The following BEAN1 variants were observed in gnomAD, a reference collection of about 807,000 sequenced individuals.
BEAN1 encodes brain expressed associated with NEDD4 1.
In BEAN1, 17 loss-of-function variants were observed where a neutral mutation model predicts 17.7. That is an observed-to-expected ratio of 0.96 (90% CI 0.66 to 1.44). BEAN1 has a LOEUF of 1.44. Ranked by LOEUF, BEAN1 falls within the 40% of genes most tolerant of loss-of-function variation. The probability of loss-of-function intolerance (pLI) is 0.00; values close to 1 mark genes in which losing one functional copy is unlikely to be tolerated. For missense variants in BEAN1, 359 were observed against 374.1 expected, an observed-to-expected ratio of 0.96 and a Z score of 0.33; for synonymous variants, 142 against 151.8, an observed-to-expected ratio of 0.94 and a Z score of 0.47.
At chr16:66,429,737 G>T (rs1294573606) in intron 1 of BEAN1, among the ~76,000 whole-genome samples, 3 of 152,164 alleles carry the variant, frequency 2.0e-5, no homozygotes, top group Non-Finnish European at 4.4e-5. Flanking sequence ...CCCACTAGGG[G>T]TCACGTCGCT....
At chr16:66,465,769 T>C (rs1193175322) in intron 2 of BEAN1, among the ~76,000 whole-genome samples, 4 of 152,252 alleles carry the variant, frequency 2.6e-5, no homozygotes, top group Non-Finnish European at 5.9e-5. Context: ...TCAATCTCTT[T>C]GCTTGTGATA....
chr16:66,479,869 C>A (rs1248348905), intron 4 of BEAN1, among the ~76,000 whole-genome samples: 1 of 152,142 alleles, frequency 6.6e-6, no homozygotes, highest in African/African-American at 2.4e-5. Context: ...CCAAACTGCC[C>A]TCAGGGCCCT....
chr16:66,484,198 C>A (rs1362789721), downstream of BEAN1: 1 of 239,510 alleles, frequency 4.2e-6, no homozygotes, highest in Admixed American at 5.1e-5. The surrounding 1 kb of genome is among the most constrained non-coding windows in gnomAD (Gnocchi z 4.2). Flanking sequence ...TGCATGCCCT[C>A]TGTTCTGAAC....
At chr16:66,436,125 G>A (rs764222282) in intron 1 of BEAN1, among the ~76,000 whole-genome samples, 9 of 152,126 alleles carry the variant, frequency 5.9e-5, no homozygotes, top group Non-Finnish European at 1.2e-4. Context: ...GTGCAGTTTC[G>A]CTTCTGCAAG....
intron 2 of BEAN1, 100 bp from the exon 3 acceptor site, chr16:66,469,502 T>G: frequency 6.7e-6 from 9 of 1,345,560 alleles, no homozygotes; most frequent in Non-Finnish European, 9.0e-6. Context: ...CCCTCCTCCA[T>G]TTATTTAGGG....
At chr16:66,462,068 C>T (rs1963108144) in intron 2 of BEAN1, among the ~76,000 whole-genome samples, 1 of 152,176 alleles carries the variant, frequency 6.6e-6, no homozygotes, top group South Asian at 2.1e-4. Flanking sequence ...GAAAGAGAAC[C>T]ATGGTCAATT....
At chr16:66,442,990 G>A (rs1479618354) in intron 2 of BEAN1, among the ~76,000 whole-genome samples, 2 of 152,208 alleles carry the variant, frequency 1.3e-5, no homozygotes, top group African/African-American at 4.8e-5. Context: ...GAAAGGACTT[G>A]AGGGCAAGGA....
chr16:66,465,748 G>A (rs1008502552), intron 2 of BEAN1, among the ~76,000 whole-genome samples: 8 of 152,194 alleles, frequency 5.3e-5, no homozygotes, highest in Admixed American at 2.6e-4. Flanking sequence ...GAACTTTCTC[G>A]TGTTAATAAT....
At chr16:66,445,175 CA>C (rs939007895) in intron 2 of BEAN1, among the ~76,000 whole-genome samples, 1 of 151,668 alleles carries the variant, frequency 6.6e-6, no homozygotes, top group African/African-American at 2.4e-5. Context: ...GCTACAAAGA[CA>C]AAAAAAGCAC....
chr16:66,445,813 A>T (rs1206609515), intron 2 of BEAN1, among the ~76,000 whole-genome samples: 1 of 152,172 alleles, frequency 6.6e-6, no homozygotes, highest in Non-Finnish European at 1.5e-5. Context: ...TGAGCTGAGA[A>T]GGGACCTGAT....
At chr16:66,437,952 A>G in intron 2 of BEAN1, 1 of 598,946 alleles carries the variant, frequency 1.7e-6, no homozygotes, top group Non-Finnish European at 3.0e-6. Context: ...TGTGGATCGG[A>G]GTTCCTCTGA....
downstream of BEAN1, among the ~76,000 whole-genome samples, chr16:66,493,756 A>G (rs760529459): frequency 1.8e-4 from 27 of 152,330 alleles, no homozygotes; most frequent in Non-Finnish European, 3.4e-4. Context: ...GGAAGCCAGA[A>G]GCATAGCTGG....
intron 2 of BEAN1, among the ~76,000 whole-genome samples, chr16:66,449,606 C>CAAAAAAAA (rs35721774): frequency 6.0e-5 from 5 of 83,326 alleles, no homozygotes; most frequent in African/African-American, 1.5e-4. Context: ...GACTCCATCT[C>CAAAAAAAA]AAAAAAAAAA....
chr16:66,436,904 G>A (rs956167566), intron 1 of BEAN1, among the ~76,000 whole-genome samples: 2 of 151,976 alleles, frequency 1.3e-5, no homozygotes, highest in Admixed American at 6.6e-5. Flanking sequence ...TTTCTGAATC[G>A]GTAATTTAAT....
chr16:66,457,194 G>A (rs1236588078), intron 2 of BEAN1, among the ~76,000 whole-genome samples: 1 of 152,168 alleles, frequency 6.6e-6, no homozygotes, highest in African/African-American at 2.4e-5. Flanking sequence ...GGTGAGTATT[G>A]GTGAGGGGAT....
intron 2 of BEAN1, among the ~76,000 whole-genome samples, chr16:66,446,624 C>T (rs571758994): frequency 6.6e-6 from 1 of 152,162 alleles, no homozygotes; most frequent in African/African-American, 2.4e-5. Context: ...GGGATGAGAT[C>T]ACCCAGGGAG....
At chr16:66,437,089 C>T (rs1487077314) in intron 1 of BEAN1, among the ~76,000 whole-genome samples, 1 of 151,676 alleles carries the variant, frequency 6.6e-6, no homozygotes, top group African/African-American at 2.4e-5. Context: ...GCATCCTCCT[C>T]TTATTTATGT....
In BEAN1 at chr16:66,454,709, C is replaced by A. The variant is rs1024923822; in HGVS notation, c.26-14893C>A. ...AAGTGGAGTTATTAATCCATGCATA[C>A]ATCTTCCTTTTCTTTCTTTCTTTTT... On this transcript the variant is annotated intron_variant, in intron 2 of 4. Coordinates refer to ENST00000536005, the MANE Select transcript of BEAN1 (RefSeq NM_001178020.3). 6.2e-5 allele frequency among the ~76,000 whole-genome samples: 9 copies of A among 144,764 alleles called. No individual in the cohort carries two copies. In the East Asian group the frequency reaches 1.8e-3, roughly 29 times the overall value. 95.0% of individuals were successfully genotyped at this position (144,764 alleles called of 152,430 possible). A position where few individuals can be genotyped will look rare whatever the true frequency, so the allele number is the denominator to read the frequency against.
intron 2 of BEAN1, among the ~76,000 whole-genome samples, chr16:66,445,563 A>G (rs1251676357): frequency 6.6e-6 from 1 of 150,400 alleles, no homozygotes; most frequent in African/African-American, 2.5e-5. Context: ...AGAAGGTAAC[A>G]CTGGAACAGA....
Sources: allele counts gnomAD v4.1 joint callset (sites outside exome capture counted in the v4.1 genomes callset), GRCh38; gene constraint gnomAD v4.1.1; non-coding constraint Gnocchi (gnomAD v3.1); transcripts MANE v1.5; gene names NCBI Gene and HGNC (gene_info 2026-07-23, HGNC 2026-07-21).